The following ARHGEF10 variants were observed in gnomAD, a reference collection of about 807,000 sequenced individuals.
ARHGEF10 encodes Rho guanine nucleotide exchange factor (GEF) 10.
A neutral mutation model predicts 147.4 loss-of-function variants in ARHGEF10; 140 were observed. The ratio of observed to expected loss-of-function variants is 0.95; its 90% CI spans 0.83 to 1.09. ARHGEF10 has a LOEUF of 1.09. Among genes scored for constraint, ARHGEF10 ranks in the 50% least tolerant of loss-of-function variants. ARHGEF10 has a pLI of 0.00. For synonymous variants in ARHGEF10, 902 were observed against 695.8 expected (o/e 1.30, Z -4.67); for missense variants, 2,222 against 1,752.7 (o/e 1.27, Z -4.78).
intron 18 of ARHGEF10, among the ~76,000 whole-genome samples, chr8:1,919,498 CGTGGGTGATGGAGCTATTCT>C (rs1178272049): frequency 1.2e-4 from 15 of 128,958 alleles, no homozygotes; most frequent in African/African-American, 4.6e-4. Flanking sequence ...GGAGCTGTTC[CGTGGGTGATGGAGCTATTCT>C]GTGGGTGATA....
chr8:1,869,598 G>A (rs1806919925), intron 7 of ARHGEF10: 5 of 395,262 alleles, frequency 1.3e-5, no homozygotes, highest in East Asian at 1.1e-4. Context: ...ATCAGGCAAA[G>A]GTAATAGTCA....
chr8:1,869,760 C>T lies in ARHGEF10; in HGVS notation c.679+510C>T, dbSNP rs528111048. 7 of 210,328 alleles carry T rather than the reference C, an allele frequency of 3.3e-5. No individual in the cohort carries two copies. The East Asian group carries it at 8.5e-4, about 26-fold the overall frequency. 13.0% of individuals were successfully genotyped at this position (210,328 alleles called of 1,614,324 possible). A position where few individuals can be genotyped will look rare whatever the true frequency, so the allele number is the denominator to read the frequency against. On this transcript the variant is annotated intron_variant, in intron 7 of 28. Transcript: ENST00000349830. Reference sequence around the variant, plus strand: ...AGCACCAGGCCCAGGGTGAATCTCCCGAGAGCAACTGGAGAGAAAACATGG... The same window carrying T: ...AGCACCAGGCCCAGGGTGAATCTCCTGAGAGCAACTGGAGAGAAAACATGG...
Position 1,953,995 on chromosome 8 carries a change from GT to G in ARHGEF10, c.3520+1172del, listed in dbSNP as rs1307564480. 3.3e-5 allele frequency among the ~76,000 whole-genome samples: 5 copies of G among 152,252 alleles called. No homozygotes were observed. The South Asian group carries it at 8.3e-4, about 25-fold the overall frequency. On this transcript the variant is annotated intron_variant, in intron 28 of 28. Transcript: ENST00000349830. ...CACCCACAAGGATTAAGGAATTCTA[GT>G]TTTGCCATTCATTTCCTAATTTATG...
chr8:1,878,430 C>G (rs926507456), intron 8 of ARHGEF10, among the ~76,000 whole-genome samples: 9 of 152,202 alleles, frequency 5.9e-5, no homozygotes, highest in African/African-American at 2.2e-4. Context: ...CGTGATCTGC[C>G]TGCCTCAGCC....
intron 27 of ARHGEF10, 112 bp downstream of exon 27, chr8:1,945,767 A>G: frequency 6.8e-7 from 1 of 1,465,134 alleles, no homozygotes; most frequent in Non-Finnish European, 9.5e-7. Flanking sequence ...CACTGTTCAC[A>G]ACATGCTGCC....
chr8:1,910,599 G>C (rs890496656), intron 18 of ARHGEF10, among the ~76,000 whole-genome samples: 1 of 152,206 alleles, frequency 6.6e-6, no homozygotes, highest in African/African-American at 2.4e-5. Flanking sequence ...GGGTGGTATG[G>C]AGAGCGAGAG....
chr8:1,936,927 C>G (rs1325712676), intron 26 of ARHGEF10, among the ~76,000 whole-genome samples: 1 of 152,148 alleles, frequency 6.6e-6, no homozygotes, highest in African/African-American at 2.4e-5. Context: ...CGGCTGGCCC[C>G]TGGAGACGTG....
rs748072321 is a variant in ARHGEF10, at chr8:1,957,228, G to T, written c.4000G>T (p.Val1334Phe). ...QPHQEELAPT[V>F]MVWQIPLLNI ...CCACCAGGAAGAGCTGGCGCCGACC[G>T]TCATGGTCTGGCAGATCCCTCTGCT... The change falls in exon 29 of 29, where the codon GTC (valine) becomes TTC (phenylalanine). Residue 1334 changes from valine to phenylalanine, a missense_variant. Val to Phe is a conservative substitution (Grantham distance 50). Transcript: ENST00000349830. 6.2e-7 allele frequency: 1 copy of T among 1,611,644 alleles called. No individual in the cohort carries two copies.
At chr8:1,905,781 A>T in intron 17 of ARHGEF10, 65 bp downstream of exon 17, 1 of 1,591,758 alleles carries the variant, frequency 6.3e-7, no homozygotes, top group Non-Finnish European at 8.6e-7. Flanking sequence ...CTAAGGGCAC[A>T]TGCATGACTT....
Position 1,908,272 on chromosome 8 carries a change from C to T in ARHGEF10, c.1968-1023C>T, listed in dbSNP as rs1811065782. 1.4e-5 allele frequency among the ~76,000 whole-genome samples: 2 copies of T among 147,926 alleles called. 1 individual carries two copies. Among genetic ancestry groups the T allele is most frequent in the South Asian group, 4.3e-4 (2 of 4,680 alleles). ...TTGAGAAAGAGTCTCGCTCTGTCACCCAGGCTGGAGTGCTGTGGCTCGATC... is the reference window on the plus strand; with the variant it reads ...TTGAGAAAGAGTCTCGCTCTGTCACTCAGGCTGGAGTGCTGTGGCTCGATC... On this transcript the variant is annotated intron_variant, in intron 17 of 28. Transcript: ENST00000349830.
intron 1 of ARHGEF10, among the ~76,000 whole-genome samples, chr8:1,829,446 G>C (rs1456340626): frequency 3.9e-5 from 6 of 152,218 alleles, no homozygotes; most frequent in Admixed American, 3.9e-4. Flanking sequence ...CCCTGACCCT[G>C]GCCAGCCTGC....
chr8:1,825,970 G>A (rs1298975830), intron 1 of ARHGEF10: 4 of 694,594 alleles, frequency 5.8e-6, no homozygotes, highest in Non-Finnish European at 9.7e-6. Context: ...ATTTTTATTC[G>A]AAAAGAGAGA....
intron 2 of ARHGEF10, among the ~76,000 whole-genome samples, chr8:1,850,843 C>T (rs1378077247): frequency 6.6e-6 from 1 of 152,116 alleles, no homozygotes; most frequent in East Asian, 1.9e-4. Flanking sequence ...GGGGCCCATT[C>T]AGACAGTGGA....
At chr8:1,875,361 A>T (rs1378667572) in intron 7 of ARHGEF10, among the ~76,000 whole-genome samples, 2 of 152,054 alleles carry the variant, frequency 1.3e-5, no homozygotes, top group Non-Finnish European at 2.9e-5. Context: ...TAGAGGCTGT[A>T]GACCCTCCGC....
chr8:1,933,978 A>G, intron 26 of ARHGEF10, 36 bp downstream of exon 26: 1 of 1,614,120 alleles, frequency 6.2e-7, no homozygotes, highest in Non-Finnish European at 8.5e-7. Flanking sequence ...TGTGGAAAAA[A>G]TGCATTTCAG....
chr8:1,877,727 T>TA (rs750647994), intron 8 of ARHGEF10, among the ~76,000 whole-genome samples: 15 of 151,604 alleles, frequency 9.9e-5, no homozygotes, highest in Non-Finnish European at 2.1e-4. Context: ...GGTGTTTTGT[T>TA]AGAGTTTTTT....
At chr8:1,902,035 G>C (rs757399949) in intron 15 of ARHGEF10, among the ~76,000 whole-genome samples, 15 of 151,852 alleles carry the variant, frequency 9.9e-5, no homozygotes, top group Non-Finnish European at 1.8e-4. Flanking sequence ...AGAATGTGCA[G>C]GTTTGTTCCA....
chr8:1,831,168 G>T (rs1478173491), intron 1 of ARHGEF10, among the ~76,000 whole-genome samples: 1 of 152,114 alleles, frequency 6.6e-6, no homozygotes, highest in Non-Finnish European at 1.5e-5. Context: ...ATGTGACAGA[G>T]AGCTGTAGCA....
rs754977835 is a variant in ARHGEF10 at position 1,928,574 on chromosome 8, G to A, written c.2845G>A (p.Ala949Thr). 5.6e-6 allele frequency: 9 copies of A among 1,614,240 alleles called. No individual in the cohort carries two copies. The highest frequency in any genetic ancestry group is 7.6e-6 in the Non-Finnish European group (9 of 1,180,050). Residue 949 changes from alanine (A) to threonine (T), a missense_variant, in exon 24 of 29, where the codon GCA (alanine) becomes ACA (threonine). Transcript: ENST00000349830. ...PVEEKRREPGAPPDPETPAVR... is the reference protein window; with the variant it reads ...PVEEKRREPGTPPDPETPAVR... ...CGAGGAGAAGCGCAGAGAGCCTGGG[G>A]CACCCCCGGACCCCGAGACCCCGGC...
Sources: gnomAD v4.1 joint callset for allele counts (sites outside exome capture counted in the v4.1 genomes callset) on GRCh38, gnomAD v4.1.1 for gene constraint, MANE v1.5 for transcripts, NCBI Gene and HGNC (gene_info 2026-07-23, HGNC 2026-07-21) for gene names.